PLXNA1: variants seen among roughly 807,000 people sequenced by gnomAD.
PLXNA1 encodes the protein plexin-A1.
In PLXNA1, 77 loss-of-function variants were observed where a neutral mutation model predicts 191.7. That is an observed-to-expected ratio of 0.40 (90% CI 0.33 to 0.49). The LOEUF (loss-of-function observed/expected upper bound fraction) is 0.49. Among genes scored for constraint, PLXNA1 ranks in the 20% least tolerant of loss-of-function variants. The pLI is 0.63. For missense variants in PLXNA1, 2,110 were observed against 2,660.2 expected (o/e 0.79, Z 4.55); for synonymous variants, 1,137 against 1,156.4 (o/e 0.98, Z 0.34).
In PLXNA1 at chr3:126,989,049, A is replaced by C; in HGVS notation, c.456A>C (p.Pro152=). The C allele has an allele frequency of 1.2e-6, 2 of 1,613,336 alleles. No individual in the cohort carries two copies. The highest frequency in any genetic ancestry group is 8.5e-7 in the Non-Finnish European group (1 of 1,180,024). ...RLDDLFKLGE[P]HHRKEHYLSS... ...ACGATCTCTTCAAACTGGGTGAGCC[A>C]CACCACCGTAAGGAGCACTACCTGT... The change falls in exon 2 of 32, where the codon CCA becomes CCC. Residue 152 remains proline (P), a synonymous_variant. Transcript: ENST00000393409.
Position 126,988,730 on chromosome 3 carries a change from C to A in PLXNA1, c.137C>A (p.Ala46Asp), listed in dbSNP as rs146428172. The stretch of plus-strand genomic sequence containing the variant: ...CAGCCCCCCTTCCGCACCTTCTCGG[C>A]CAGCGACTGGGGCCTCACCCACCTA... The part of the protein sequence containing the change: ...GSQPPFRTFS[A>D]SDWGLTHLVV... Residue 46 changes from alanine to aspartate, a missense_variant, in exon 2 of 32, where the codon GCC becomes GAC. Ala to Asp is a moderately radical substitution (Grantham distance 126). This residue lies in a region of PLXNA1 where 903 missense variants were observed against 1,015.7 expected (regional missense o/e 0.89). Transcript: ENST00000393409. 129 of 1,582,294 alleles carry A rather than the reference C, an allele frequency of 8.2e-5. No homozygotes were observed. Among genetic ancestry groups the A allele is most frequent in the Non-Finnish European group, 1.0e-4 (119 of 1,161,480 alleles).
intron 2 of PLXNA1, among the ~76,000 whole-genome samples, chr3:126,990,892 C>T (rs1225278298): frequency 6.6e-6 from 1 of 152,196 alleles, no homozygotes; most frequent in African/African-American, 2.4e-5. Context: ...TTGTGCCCTG[C>T]CCCAAGGCTG....
At chr3:126,995,625 T>C (rs1446516603) in intron 3 of PLXNA1, among the ~76,000 whole-genome samples, 4 of 152,266 alleles carry the variant, frequency 2.6e-5, no homozygotes, top group Non-Finnish European at 4.4e-5. Context: ...TTTTTCAAGA[T>C]TCTGGAAACC....
At chr3:127,012,947 G>A (rs140647410) in intron 10 of PLXNA1, among the ~76,000 whole-genome samples, 2 of 152,358 alleles carry the variant, frequency 1.3e-5, no homozygotes, top group African/African-American at 4.8e-5. Flanking sequence ...CTGGGCTGTT[G>A]TGTGGGGCAC....
Position 127,015,312 on chromosome 3 carries a change from C to T in PLXNA1, c.3006C>T (p.Ser1002=), listed in dbSNP as rs138195532. Reference sequence around the variant, plus strand: ...TGTCGGTCGGTGGCCGGCCCTGCTCCTTCTCCTGGTACGGGGTGCAGGTGG... The same window carrying T: ...TGTCGGTCGGTGGCCGGCCCTGCTCTTTCTCCTGGTACGGGGTGCAGGTGG... The part of the protein sequence containing the change: ...VAVSVGGRPC[S]FSWRNSREIR... Residue 1002 remains serine (S), a synonymous_variant, in exon 15 of 32, where the codon TCC becomes TCT. Coordinates refer to ENST00000393409, the MANE Select transcript of PLXNA1 (RefSeq NM_032242.4). 337 of 1,602,196 alleles carry T rather than the reference C, an allele frequency of 2.1e-4. 2 individuals carry two copies. The African/African-American group carries it at 3.8e-3, about 18-fold the overall frequency.
Position 126,988,962 on chromosome 3 carries a change from C to T in PLXNA1, c.369C>T (p.Ala123=), listed in dbSNP as rs141064930. 5.5e-4 allele frequency: 895 copies of T among 1,613,202 alleles called. 6 individuals carry two copies. In the African/African-American group the frequency reaches 0.011, roughly 19 times the overall value. Reference sequence around the variant, plus strand: ...ACAAGCTGCTGCTGCTGGACTATGCCGCTAACCGCCTGCTGGCCTGTGGCA... The same window carrying T: ...ACAAGCTGCTGCTGCTGGACTATGCTGCTAACCGCCTGCTGGCCTGTGGCA... The part of the protein sequence containing the change: ...NVNKLLLLDY[A]ANRLLACGSA... The change falls in exon 2 of 32, where the codon GCC becomes GCT. Residue 123 remains alanine (A), a synonymous_variant. Coordinates refer to ENST00000393409, the MANE Select transcript of PLXNA1 (RefSeq NM_032242.4).
chr3:126,990,350 C>T, intron 2 of PLXNA1, among the ~76,000 whole-genome samples: 1 of 152,338 alleles, frequency 6.6e-6, no homozygotes, highest in South Asian at 2.1e-4. Flanking sequence ...TGGTGCAGGC[C>T]ACAGTTAACA....
chr3:126,995,132 T>C (rs2079009176), intron 3 of PLXNA1, among the ~76,000 whole-genome samples: 1 of 152,092 alleles, frequency 6.6e-6, no homozygotes, highest in South Asian at 2.1e-4. Flanking sequence ...GGGTGTGAAA[T>C]TGTAGCTGAT....
intron 29 of PLXNA1, among the ~76,000 whole-genome samples, chr3:127,031,006 C>T (rs887131942): frequency 6.6e-6 from 1 of 152,182 alleles, no homozygotes; most frequent in Non-Finnish European, 1.5e-5. Flanking sequence ...AAGAGGCACC[C>T]AGCCTCTGAG....
intron 3 of PLXNA1, among the ~76,000 whole-genome samples, chr3:126,994,748 C>G (rs982560823): frequency 2.6e-4 from 39 of 152,140 alleles, no homozygotes; most frequent in African/African-American, 9.4e-4. Flanking sequence ...GGCTGTGGTC[C>G]AGGGTCCAGA....
Position 127,014,575 on chromosome 3 carries a change from G to A in PLXNA1, c.2702G>A (p.Arg901His), listed in dbSNP as rs774624923. The A allele has an allele frequency of 7.4e-6, 12 of 1,613,048 alleles. No individual in the cohort carries two copies. Among genetic ancestry groups the A allele is most frequent in the African/African-American group, 2.7e-5 (2 of 75,050 alleles). ...TTCGAAGACGTGCGTCTGGGCGTGC[G>A]CGTGGGCAAGGTGCTGTGCAGCCCT... ...LRFEDVRLGV[R>H]VGKVLCSPVE... The change falls in exon 13 of 32, where the codon CGC becomes CAC. Residue 901 changes from arginine to histidine, a missense_variant. Arg to His is a conservative substitution (Grantham distance 29, BLOSUM62 0). Transcript: ENST00000393409.
intron 1 of PLXNA1, among the ~76,000 whole-genome samples, chr3:126,984,858 G>C (rs1457275001): frequency 1.3e-5 from 2 of 152,226 alleles, no homozygotes; most frequent in African/African-American, 4.8e-5. Context: ...GGGAGGAGCG[G>C]GTGCCCCAGG....
intron 16 of PLXNA1, 25 bp from the exon 17 acceptor site, chr3:127,016,918 AC>A (rs752491882): frequency 2.9e-5 from 45 of 1,578,384 alleles, no homozygotes; most frequent in East Asian, 4.5e-5. Flanking sequence ...TCATTTGGTG[AC>A]CCCCCCACCC....
chr3:127,031,398 C>T (rs79203706), intron 29 of PLXNA1, among the ~76,000 whole-genome samples: 4 of 152,290 alleles, frequency 2.6e-5, no homozygotes, highest in Non-Finnish European at 5.9e-5. Flanking sequence ...ACTGCTCCCC[C>T]ACACCTGGGG....
chr3:126,989,533 G>C lies in PLXNA1; in HGVS notation c.940G>C (p.Asp314His). 6.2e-7 allele frequency: 1 copy of C among 1,613,330 alleles called. No homozygotes were observed. The highest frequency in any genetic ancestry group is 8.5e-7 in the Non-Finnish European group (1 of 1,180,038). The change falls in exon 2 of 32, where the codon GAT (aspartate) becomes CAT (histidine). Residue 314 changes from aspartate to histidine, a missense_variant. Around this residue, in one of 4 missense-constraint regions of PLXNA1, gnomAD observed 903 missense variants for 1,015.7 expected, o/e 0.89. Coordinates refer to ENST00000393409, the MANE Select transcript of PLXNA1 (RefSeq NM_032242.4). ...QAGVEYRLVQ[D>H]AYLSRPGRAL... ...GGGTGTGGAGTACCGCCTGGTGCAG[G>C]ATGCCTACCTGAGCCGGCCCGGCCG...
At chr3:127,017,403 C>G in intron 17 of PLXNA1, 22 bp from the exon 18 acceptor site, 1 of 1,606,352 alleles carries the variant, frequency 6.2e-7, no homozygotes, top group Non-Finnish European at 8.5e-7. Flanking sequence ...TCCCGCCCAG[C>G]ATCCCCACCC....
chr3:127,022,861 C>T (rs1392389351), intron 23 of PLXNA1, 43 bp downstream of exon 23: 1 of 1,519,492 alleles, frequency 6.6e-7, no homozygotes, highest in South Asian at 1.1e-5. Context: ...GGCAGGTGAA[C>T]AGCGGGAGGG....
At position 127,035,335 on chromosome 3, in the gene PLXNA1, A is replaced by G. The variant is rs2079235721; in HGVS notation, c.*1318A>G. The G allele has an allele frequency of 6.6e-6, 1 of 152,232 alleles. No individual in the cohort carries two copies. The highest frequency in any genetic ancestry group is 2.4e-5 in the African/African-American group (1 of 41,464). 9.4% of individuals were successfully genotyped at this position (152,232 alleles called of 1,614,324 possible). A position where few individuals can be genotyped will look rare whatever the true frequency, so the allele number is the denominator to read the frequency against. ...TTTTAAAGACGATTTGAACAAGAAA[A>G]TGAAGGCAGTGGGAAAGCAATGCCA... On this transcript the variant is annotated 3_prime_UTR_variant, in exon 32 of 32. Transcript: ENST00000393409.
chr3:127,005,433 G>A (rs2079061907), intron 7 of PLXNA1, among the ~76,000 whole-genome samples, 190 bp downstream of exon 7: 1 of 152,204 alleles, frequency 6.6e-6, no homozygotes, highest in Non-Finnish European at 1.5e-5. Flanking sequence ...CATGTAGCCA[G>A]AGTGAGAGCC....
Sources: gnomAD v4.1 joint callset for allele counts (sites outside exome capture counted in the v4.1 genomes callset) on GRCh38, gnomAD v4.1.1 for gene constraint, gnomAD v4.1.1 regional missense constraint, MANE v1.5 for transcripts, NCBI Gene and HGNC (gene_info 2026-07-23, HGNC 2026-07-21) for gene names.